LRBA: variants seen among roughly 807,000 people sequenced by gnomAD.
LRBA encodes LPS responsive beige-like anchor protein, also known as lipopolysaccharide-responsive and beige-like anchor protein.
A neutral mutation model predicts 330.0 loss-of-function variants in LRBA; 176 were observed. The ratio of observed to expected loss-of-function variants is 0.53; its 90% CI spans 0.47 to 0.60. The LOEUF is 0.60. LRBA is among the 20% of genes least tolerant of loss of function. LRBA has a pLI of 0.00. For missense variants in LRBA, 3,259 were observed against 3,444.8 expected (o/e 0.95, Z 1.35); for synonymous variants, 1,230 against 1,193.0 (o/e 1.03, Z -0.64).
chr4:150,390,245 C>A (rs1329696824), intron 47 of LRBA, among the ~76,000 whole-genome samples: 2 of 152,088 alleles, frequency 1.3e-5, no homozygotes, highest in African/African-American at 4.8e-5. Flanking sequence ...AAGTACAGAA[C>A]CAGAGAATAC....
At chr4:150,870,983 C>T (rs933276127) in intron 19 of LRBA, among the ~76,000 whole-genome samples, 3 of 152,122 alleles carry the variant, frequency 2.0e-5, no homozygotes, top group African/African-American at 7.2e-5. Context: ...GTGGCTCATG[C>T]CTGTAATCCC....
At chr4:150,589,068 C>CAG (rs746091768) in intron 39 of LRBA, among the ~76,000 whole-genome samples, 110 of 149,624 alleles carry the variant, frequency 7.4e-4, no homozygotes, top group African/African-American at 2.6e-3. Flanking sequence ...CACACACACA[C>CAG]ACACAGAGAG....
At chr4:150,643,327 TAATAA>T in intron 37 of LRBA, among the ~76,000 whole-genome samples, 1 of 151,942 alleles carries the variant, frequency 6.6e-6, no homozygotes, top group African/African-American at 2.4e-5. Flanking sequence ...AATTAATTTA[TAATAA>T]AATGTCATAA....
chr4:150,816,430 A>G lies in LRBA; in HGVS notation c.5305+694T>C, dbSNP rs142578808. On this transcript the variant is annotated intron_variant, in intron 31 of 56. Transcript: ENST00000651943. ...CACATTCTTCACATTATTCAAGTTT[A>G]CCCAGTATCACCATTAAGCTTCCCA... Among the ~76,000 whole-genome samples, 3 of 152,038 alleles carry G rather than the reference A, an allele frequency of 2.0e-5. No homozygotes were observed. In the East Asian group the frequency reaches 5.8e-4, roughly 29 times the overall value.
intron 36 of LRBA, among the ~76,000 whole-genome samples, chr4:150,704,704 T>C (rs376237614): frequency 6.6e-6 from 1 of 152,174 alleles, no homozygotes; most frequent in East Asian, 1.9e-4. Context: ...ACAGAATTTA[T>C]ATTTTTTGTG....
intron 2 of LRBA, among the ~76,000 whole-genome samples, chr4:150,989,753 A>G (rs1561099774): frequency 6.6e-6 from 1 of 152,094 alleles, no homozygotes; most frequent in East Asian, 1.9e-4. Flanking sequence ...AGAAGGAAAT[A>G]AAAAAGGAAG....
At chr4:150,301,971 A>G (rs945967949) in intron 53 of LRBA, among the ~76,000 whole-genome samples, 1 of 152,040 alleles carries the variant, frequency 6.6e-6, no homozygotes, top group Non-Finnish European at 1.5e-5. Flanking sequence ...TGTTTTTCTA[A>G]AGCCATTTCT....
chr4:150,415,014 C>A (rs111393751), intron 47 of LRBA, among the ~76,000 whole-genome samples: 3 of 152,120 alleles, frequency 2.0e-5, no homozygotes, highest in African/African-American at 4.8e-5. Context: ...CAATATTACA[C>A]GAAGATTTCC....
chr4:150,843,872 T>G (rs2126884036), intron 28 of LRBA, among the ~76,000 whole-genome samples: 1 of 152,356 alleles, frequency 6.6e-6, no homozygotes, highest in East Asian at 1.9e-4. Flanking sequence ...TATGTAATAA[T>G]GCATTATTCC....
intron 47 of LRBA, among the ~76,000 whole-genome samples, chr4:150,375,984 G>C (rs1741255621): frequency 6.6e-6 from 1 of 152,116 alleles, no homozygotes; most frequent in Non-Finnish European, 1.5e-5. Flanking sequence ...CTCCCCTGGA[G>C]CTAGATCAAA....
At chr4:150,519,337 T>A (rs1362866679) in intron 40 of LRBA, among the ~76,000 whole-genome samples, 1 of 152,154 alleles carries the variant, frequency 6.6e-6, no homozygotes, top group Non-Finnish European at 1.5e-5. Flanking sequence ...AATATTTCCA[T>A]CATCCCAGAA....
At chr4:150,266,586 A>G (rs574433229) in intron 56 of LRBA, among the ~76,000 whole-genome samples, 1 of 152,342 alleles carries the variant, frequency 6.6e-6, no homozygotes, top group South Asian at 2.1e-4. Context: ...CCTCGTATCA[A>G]AATTAATTAG....
At chr4:150,637,382 C>G (rs372341747) in intron 37 of LRBA, among the ~76,000 whole-genome samples, 1 of 152,072 alleles carries the variant, frequency 6.6e-6, no homozygotes, top group Non-Finnish European at 1.5e-5. Flanking sequence ...TTTTGTTGTG[C>G]TTTTTCAACA....
At chr4:150,510,566 C>T (rs187635002) in intron 40 of LRBA, among the ~76,000 whole-genome samples, 239 of 152,350 alleles carry the variant, frequency 1.6e-3, no homozygotes, top group African/African-American at 5.5e-3. Context: ...ATGCACCCAT[C>T]TTTCTCTCGG....
intron 33 of LRBA, among the ~76,000 whole-genome samples, chr4:150,800,026 T>A (rs1303122272): frequency 6.6e-6 from 1 of 152,216 alleles, no homozygotes; most frequent in East Asian, 1.9e-4. Flanking sequence ...ATTACAGGCG[T>A]GAGCCACCAT....
Position 150,835,880 on chromosome 4 carries a change from A to C in LRBA, c.4570-3904T>G, listed in dbSNP as rs527826043. Among the ~76,000 whole-genome samples, 7 of 152,332 alleles carry C rather than the reference A, an allele frequency of 4.6e-5. No individual in the cohort carries two copies. In the East Asian group the frequency reaches 1.3e-3, roughly 29 times the overall value. On this transcript the variant is annotated intron_variant, in intron 28 of 56. Coordinates refer to ENST00000651943, the MANE Select transcript of LRBA (RefSeq NM_001364905.1). ...AGAGAGGGCATCGCTTTCTTGTGCC[A>C]GTTTTCAAAGGGAATGCTTCCAGTT...
chr4:150,922,692 CAA>C (rs1279207807), intron 4 of LRBA, among the ~76,000 whole-genome samples: 1 of 151,898 alleles, frequency 6.6e-6, no homozygotes, highest in Non-Finnish European at 1.5e-5. Flanking sequence ...ACGGGTGCAC[CAA>C]AATCTCACAA....
chr4:150,346,757 C>CCAAAAAAAAAAAAAAAAAAAAAAAA (rs1206950764), intron 48 of LRBA, among the ~76,000 whole-genome samples: 6 of 66,152 alleles, frequency 9.1e-5, no homozygotes, highest in African/African-American at 4.7e-4. Context: ...GACTCTGTCT[C>CCAAAAAAAAAAAAAAAAAAAAAAAA]AAAAAAAAAA....
intron 47 of LRBA, among the ~76,000 whole-genome samples, chr4:150,373,124 C>CGTGT (rs70937397): frequency 0.018 from 1,689 of 96,314 alleles, 22 homozygotes; most frequent in Middle Eastern, 0.043. Flanking sequence ...ACTACAATCT[C>CGTGT]GTGTGTGTGT....
Sources: gnomAD v4.1 joint callset for allele counts (sites outside exome capture counted in the v4.1 genomes callset) on GRCh38, gnomAD v4.1.1 for gene constraint, MANE v1.5 for transcripts, NCBI Gene and HGNC (gene_info 2026-07-23, HGNC 2026-07-21) for gene names.